Variants in WDFY3 observed in about 807,000 individuals in gnomAD.
WDFY3 encodes WD repeat and FYVE domain-containing protein 3.
Under a neutral mutation model 409.6 loss-of-function variants are expected in WDFY3, and 66 were observed. That is an observed-to-expected ratio of 0.16 (90% CI 0.13 to 0.20). WDFY3 has a LOEUF of 0.20. Among genes scored for constraint, WDFY3 ranks in the 10% least tolerant of loss-of-function variants. WDFY3 has a pLI of 1.00. For synonymous variants in WDFY3, 1,521 were observed against 1,537.1 expected (o/e 0.99, Z 0.25); for missense variants, 3,031 against 4,298.1 (o/e 0.71, Z 8.24).
At chr4:84,890,929 A>AC (rs1319102194) in intron 3 of WDFY3, among the ~76,000 whole-genome samples, 2 of 152,304 alleles carry the variant, frequency 1.3e-5, no homozygotes, top group East Asian at 3.9e-4. Flanking sequence ...GGACTACACT[A>AC]CAGGTGCCTA....
chr4:84,797,742 G>T (rs1183694123), intron 18 of WDFY3, among the ~76,000 whole-genome samples: 1 of 151,716 alleles, frequency 6.6e-6, no homozygotes, highest in Non-Finnish European at 1.5e-5. Context: ...CACTGCGCCC[G>T]GCTAATTTTT....
chr4:84,880,975 G>A (rs1055343079), intron 3 of WDFY3, among the ~76,000 whole-genome samples: 7 of 151,302 alleles, frequency 4.6e-5, no homozygotes, highest in Non-Finnish European at 8.8e-5. Flanking sequence ...CGCCCTCCTC[G>A]GCCTCCCAGA....
At chr4:84,821,059 A>C in intron 11 of WDFY3, 25 bp downstream of exon 11, 1 of 1,543,786 alleles carries the variant, frequency 6.5e-7, no homozygotes, top group Non-Finnish European at 8.7e-7. Context: ...TTCAAATAAA[A>C]ATAAAATTAC....
At chr4:84,813,263 T>C (rs1358776716) in intron 13 of WDFY3, among the ~76,000 whole-genome samples, 1 of 152,142 alleles carries the variant, frequency 6.6e-6, no homozygotes, top group African/African-American at 2.4e-5. Flanking sequence ...AGCGCTACTT[T>C]TTCCCTTCAA....
At chr4:84,883,005 C>T (rs1763749106) in intron 3 of WDFY3, among the ~76,000 whole-genome samples, 1 of 152,076 alleles carries the variant, frequency 6.6e-6, no homozygotes, top group South Asian at 2.1e-4. Context: ...CCGTGCCTGG[C>T]CTCCCTTATA....
intron 44 of WDFY3, among the ~76,000 whole-genome samples, chr4:84,731,654 T>C (rs1736627060): frequency 6.6e-6 from 1 of 152,244 alleles, no homozygotes; most frequent in Non-Finnish European, 1.5e-5. Context: ...GTGAATTCCT[T>C]TGCCTAGGTA....
chr4:84,705,939 C>G (rs984708334), intron 53 of WDFY3, among the ~76,000 whole-genome samples: 2 of 152,024 alleles, frequency 1.3e-5, no homozygotes, highest in African/African-American at 4.8e-5. Flanking sequence ...CCTCCACCCC[C>G]GCCCTGTCTC....
intron 27 of WDFY3, 151 bp downstream of exon 27, chr4:84,778,352 C>A (rs909590162): frequency 7.9e-6 from 6 of 762,338 alleles, no homozygotes; most frequent in Non-Finnish European, 9.4e-6. Flanking sequence ...CAGCATTATT[C>A]TACTTTTTAT....
rs180689926 is a variant in WDFY3 at position 84,944,348 on chromosome 4, T to G, written c.-225-11985A>C. On this transcript the variant is annotated intron_variant, in intron 1 of 67. Coordinates refer to ENST00000295888, the MANE Select transcript of WDFY3 (RefSeq NM_014991.6). ...AAGACCAGCCTCTACAAACCCATTC[T>G]CTACGAAAAAAATTAAAATAAAAAA... 1.3e-4 allele frequency among the ~76,000 whole-genome samples: 20 copies of G among 151,596 alleles called. No homozygotes were observed. The East Asian group carries it at 3.9e-3, about 30-fold the overall frequency.
At chr4:84,801,153 G>C (rs1750481788) in intron 17 of WDFY3, among the ~76,000 whole-genome samples, 1 of 152,162 alleles carries the variant, frequency 6.6e-6, no homozygotes, top group South Asian at 2.1e-4. Flanking sequence ...TACAATAACA[G>C]ATAATTGTAT....
At chr4:84,706,374 G>A (rs773115609) in intron 53 of WDFY3, among the ~76,000 whole-genome samples, 2 of 152,054 alleles carry the variant, frequency 1.3e-5, no homozygotes, top group Non-Finnish European at 2.9e-5. Context: ...ATATTTTCTG[G>A]TTAATTCAAC....
intron 43 of WDFY3, 33 bp from the exon 44 acceptor site, chr4:84,733,642 C>G (rs1417720238): frequency 1.3e-6 from 2 of 1,571,068 alleles, no homozygotes; most frequent in African/African-American, 1.4e-5. Flanking sequence ...GGTTTTCAAG[C>G]AAAAGCAGGA....
At chr4:84,946,549 T>G (rs2151077114) in intron 1 of WDFY3, among the ~76,000 whole-genome samples, 1 of 152,214 alleles carries the variant, frequency 6.6e-6, no homozygotes, top group African/African-American at 2.4e-5. Flanking sequence ...ACTGCATCAA[T>G]ACATGGGATA....
intron 3 of WDFY3, among the ~76,000 whole-genome samples, chr4:84,891,551 T>G (rs1290879530): frequency 2.0e-5 from 3 of 152,154 alleles, no homozygotes; most frequent in Non-Finnish European, 4.4e-5. Context: ...AACCACCTAA[T>G]CCACAAGAAT....
chr4:84,779,429 T>G (rs1191512982), intron 26 of WDFY3, among the ~76,000 whole-genome samples: 4 of 152,138 alleles, frequency 2.6e-5, no homozygotes, highest in African/African-American at 9.7e-5. Context: ...CTGCTTTTTT[T>G]TTTTTTTGAG....
At chr4:84,744,508 C>T (rs755283300) in intron 36 of WDFY3, among the ~76,000 whole-genome samples, 1 of 151,894 alleles carries the variant, frequency 6.6e-6, no homozygotes, top group Non-Finnish European at 1.5e-5. Context: ...GTGGGAGGAT[C>T]ACATGATTTT....
intron 17 of WDFY3, among the ~76,000 whole-genome samples, chr4:84,801,240 TG>T (rs1484545890): frequency 6.6e-6 from 1 of 152,194 alleles, no homozygotes; most frequent in Non-Finnish European, 1.5e-5. Flanking sequence ...GTGTAACTAC[TG>T]GAGGAAAATG....
At position 84,788,010 on chromosome 4, in the gene WDFY3, T is replaced by A. The variant is rs114658299; in HGVS notation, c.3670-297A>T. Among the ~76,000 whole-genome samples the A allele has an allele frequency of 8.4e-3, 1,276 of 152,348 alleles. 21 individuals carry two copies. Among genetic ancestry groups the A allele is most frequent in the African/African-American group, 0.029 (1,222 of 41,578 alleles). ...ATGGCTGGTTTGCACATCAAGTTAA[T>A]GACGCTTCTCTGAAATTTTTGTGCT... On this transcript the variant is annotated intron_variant, in intron 22 of 67. Transcript: ENST00000295888.
At position 84,828,890 on chromosome 4, in the gene WDFY3, T is replaced by C. The variant is rs956247792; in HGVS notation, c.956+114A>G. ...AGAAGGGAGTAAAGCCAGGTATACATTAAATAAGTGTTTCCTTAATTTGCT... is the reference window on the plus strand; with the variant it reads ...AGAAGGGAGTAAAGCCAGGTATACACTAAATAAGTGTTTCCTTAATTTGCT... On this transcript the variant is annotated intron_variant, in intron 9 of 67. Coordinates refer to ENST00000295888, the MANE Select transcript of WDFY3 (RefSeq NM_014991.6). 6.4e-6 allele frequency: 7 copies of C among 1,091,758 alleles called. No homozygotes were observed. The South Asian group carries it at 8.2e-5, about 13-fold the overall frequency. The allele number at this position is 1,091,758 out of a possible 1,614,324, so 67.6% of individuals were successfully genotyped here.
Sources: allele counts gnomAD v4.1 joint callset (sites outside exome capture counted in the v4.1 genomes callset), GRCh38; gene constraint gnomAD v4.1.1; transcripts MANE v1.5; gene names NCBI Gene and HGNC (gene_info 2026-07-23, HGNC 2026-07-21).